CNTNAP2: variants seen among roughly 807,000 people sequenced by gnomAD.
CNTNAP2 encodes contactin-associated protein-like 2.
In CNTNAP2, 98 loss-of-function variants were observed where a neutral mutation model predicts 155.2. That is an observed-to-expected ratio of 0.63 (90% CI 0.54 to 0.75). The LOEUF (loss-of-function observed/expected upper bound fraction) is 0.75. CNTNAP2 is among the 30% of genes least tolerant of loss of function. The pLI is 0.00. For synonymous variants in CNTNAP2, 651 were observed against 631.2 expected (o/e 1.03, Z -0.47); for missense variants, 1,727 against 1,688.1 (o/e 1.02, Z -0.40).
At chr7:147,043,636 A>G (rs547526987) in intron 3 of CNTNAP2, among the ~76,000 whole-genome samples, 1 of 152,350 alleles carries the variant, frequency 6.6e-6, no homozygotes, top group Non-Finnish European at 1.5e-5. Flanking sequence ...ATGTGTATGG[A>G]ACACAACAGT....
chr7:147,783,358 T>A (rs1797687053), intron 13 of CNTNAP2, among the ~76,000 whole-genome samples: 1 of 152,168 alleles, frequency 6.6e-6, no homozygotes, highest in Admixed American at 6.5e-5. Context: ...AGTTTTCCAT[T>A]TAAGAATAAG....
chr7:146,353,080 T>C (rs1470438449), intron 1 of CNTNAP2, among the ~76,000 whole-genome samples: 1 of 152,130 alleles, frequency 6.6e-6, no homozygotes. Flanking sequence ...CTCTGCAAAC[T>C]TTACAACGAA....
At chr7:147,951,299 A>G (rs1395926614) in intron 14 of CNTNAP2, among the ~76,000 whole-genome samples, 1 of 152,246 alleles carries the variant, frequency 6.6e-6, no homozygotes, top group Non-Finnish European at 1.5e-5. Context: ...AAGTACAGAA[A>G]GAAAAATTTA....
intron 15 of CNTNAP2, among the ~76,000 whole-genome samples, chr7:147,986,958 A>C (rs961084149): frequency 2.0e-5 from 3 of 152,002 alleles, no homozygotes; most frequent in Middle Eastern, 3.4e-3. Flanking sequence ...AAAAAAACAA[A>C]AGCAAAAACG....
At chr7:147,815,513 A>G (rs1013024710) in intron 13 of CNTNAP2, among the ~76,000 whole-genome samples, 1 of 152,088 alleles carries the variant, frequency 6.6e-6, no homozygotes, top group Non-Finnish European at 1.5e-5. Flanking sequence ...AATCTCTTTG[A>G]CTTTCTCTTC....
chr7:148,108,280 G>A (rs1804266848), intron 15 of CNTNAP2, among the ~76,000 whole-genome samples: 2 of 151,992 alleles, frequency 1.3e-5, no homozygotes, highest in African/African-American at 4.8e-5. Flanking sequence ...TTACTTAATG[G>A]CTACTCTACA....
At chr7:147,963,245 A>G (rs1354325572) in intron 14 of CNTNAP2, among the ~76,000 whole-genome samples, 3 of 152,200 alleles carry the variant, frequency 2.0e-5, no homozygotes, top group African/African-American at 7.2e-5. Context: ...AATGTGCTAT[A>G]GAGACAAAGA....
intron 15 of CNTNAP2, among the ~76,000 whole-genome samples, chr7:148,079,104 A>T (rs1352320167): frequency 6.6e-6 from 1 of 152,216 alleles, no homozygotes; most frequent in Non-Finnish European, 1.5e-5. Flanking sequence ...CAACAGAAAG[A>T]GTCAAATTCT....
intron 1 of CNTNAP2, among the ~76,000 whole-genome samples, chr7:146,119,867 C>G (rs570545682): frequency 6.6e-6 from 1 of 151,752 alleles, no homozygotes; most frequent in Non-Finnish European, 1.5e-5. Flanking sequence ...TATACACACA[C>G]ATGAATATAT....
intron 13 of CNTNAP2, among the ~76,000 whole-genome samples, chr7:147,712,896 TAAA>T (rs1796422277): frequency 6.6e-6 from 1 of 152,078 alleles, no homozygotes; most frequent in African/African-American, 2.4e-5. Context: ...AGTATAATAA[TAAA>T]AAAATTTTTA....
chr7:146,940,827 A>C (rs942343233), intron 3 of CNTNAP2, among the ~76,000 whole-genome samples: 8 of 132,778 alleles, frequency 6.0e-5, no homozygotes, highest in Non-Finnish European at 8.5e-5. Flanking sequence ...GTGTATATAC[A>C]TATAGAGAGA....
In CNTNAP2 at chr7:148,032,213, T is replaced by C. The variant is rs533311935; in HGVS notation, c.2383+54224T>C. On this transcript the variant is annotated intron_variant, in intron 15 of 23. Transcript: ENST00000361727. Reference sequence around the variant, plus strand: ...TAATCTGGCTGTGGTCATGGCTCTATTGGGGAGACATTGACAGTCCATCTA... The same window carrying C: ...TAATCTGGCTGTGGTCATGGCTCTACTGGGGAGACATTGACAGTCCATCTA... 7.9e-5 allele frequency among the ~76,000 whole-genome samples: 12 copies of C among 152,294 alleles called. 1 individual carries two copies. The highest frequency in any genetic ancestry group is 6.2e-4 in the South Asian group (3 of 4,824).
At chr7:147,612,123 A>T (rs1465339990) in intron 12 of CNTNAP2, among the ~76,000 whole-genome samples, 3 of 152,160 alleles carry the variant, frequency 2.0e-5, no homozygotes, top group African/African-American at 2.4e-5. Flanking sequence ...TTTTTGCCTG[A>T]ATGTTTTCTA....
At chr7:146,187,558 C>G (rs1472270440) in intron 1 of CNTNAP2, among the ~76,000 whole-genome samples, 1 of 152,180 alleles carries the variant, frequency 6.6e-6, no homozygotes, top group Admixed American at 6.5e-5. Context: ...TGACTTTCCT[C>G]TTTCCAAATT....
chr7:147,630,843 A>G (rs181035862), intron 12 of CNTNAP2, among the ~76,000 whole-genome samples: 3 of 152,288 alleles, frequency 2.0e-5, no homozygotes, highest in East Asian at 3.9e-4. Context: ...AAAACCATCT[A>G]TGACAAACCC....
chr7:148,158,450 C>T (rs774839064), intron 17 of CNTNAP2, among the ~76,000 whole-genome samples: 1 of 151,948 alleles, frequency 6.6e-6, no homozygotes, highest in Non-Finnish European at 1.5e-5. Flanking sequence ...CTCGATCTCT[C>T]GAGCTCATGA....
At chr7:147,867,677 T>A (rs748710258) in intron 13 of CNTNAP2, among the ~76,000 whole-genome samples, 2 of 152,136 alleles carry the variant, frequency 1.3e-5, no homozygotes, top group Non-Finnish European at 2.9e-5. Context: ...AACCTTGTCA[T>A]CTCACTTTAT....
At chr7:146,554,817 G>A (rs1170804310) in intron 1 of CNTNAP2, among the ~76,000 whole-genome samples, 1 of 152,212 alleles carries the variant, frequency 6.6e-6, no homozygotes, top group Non-Finnish European at 1.5e-5. Flanking sequence ...GTAAGAGCCA[G>A]CAAGACCTTT....
At position 146,284,048 on chromosome 7, in the gene CNTNAP2, TA is replaced by T. The variant is rs548293680; in HGVS notation, c.97+167082del. Among the ~76,000 whole-genome samples the T allele has an allele frequency of 2.0e-3, 308 of 152,318 alleles. 3 individuals carry two copies. Among genetic ancestry groups the T allele is most frequent in the African/African-American group, 6.9e-3 (289 of 41,590 alleles). ...TGATTTACAAGAGATTGATCAGAGA[TA>T]AAAAAATTACCTAGAAAGCAATTTG... On this transcript the variant is annotated intron_variant, in intron 1 of 23. Coordinates refer to ENST00000361727, the MANE Select transcript of CNTNAP2 (RefSeq NM_014141.6).
Sources: gnomAD v4.1 joint callset for allele counts (sites outside exome capture counted in the v4.1 genomes callset) on GRCh38, gnomAD v4.1.1 for gene constraint, MANE v1.5 for transcripts, NCBI Gene and HGNC (gene_info 2026-07-23, HGNC 2026-07-21) for gene names.